SETBP1: variants seen among roughly 807,000 people sequenced by gnomAD.
The protein encoded by SETBP1 is SET-binding protein.
In SETBP1, 9 loss-of-function variants were observed where a neutral mutation model predicts 101.0. That is an observed-to-expected ratio of 0.09 (90% confidence interval 0.05 to 0.16). The LOEUF (loss-of-function observed/expected upper bound fraction) is 0.16. Ranked by LOEUF, SETBP1 falls within the 10% of genes least tolerant of loss-of-function variation. The pLI is 1.00. For synonymous variants in SETBP1, 818 were observed against 788.5 expected (o/e 1.04, Z -0.63); for missense variants, 1,858 against 2,033.8 (o/e 0.91, Z 1.66).
At chr18:44,965,094 C>T (rs1387392932) in intron 4 of SETBP1, among the ~76,000 whole-genome samples, 1 of 152,186 alleles carries the variant, frequency 6.6e-6, no homozygotes, top group East Asian at 1.9e-4. Context: ...AAATATCTTT[C>T]TTGAATATCA....
chr18:45,039,234 C>T (rs944377470), intron 5 of SETBP1, among the ~76,000 whole-genome samples: 4 of 152,110 alleles, frequency 2.6e-5, no homozygotes, highest in African/African-American at 7.2e-5. Flanking sequence ...CCAGAGTCCT[C>T]ACCAACAGTG....
intron 3 of SETBP1, among the ~76,000 whole-genome samples, chr18:44,900,346 C>T (rs1277164651): frequency 1.3e-5 from 2 of 152,154 alleles, no homozygotes; most frequent in East Asian, 3.9e-4. Flanking sequence ...GAATGTCAAA[C>T]TAAATTGGAG....
chr18:45,014,724 G>A (rs1367201559), intron 4 of SETBP1, among the ~76,000 whole-genome samples: 1 of 152,138 alleles, frequency 6.6e-6, no homozygotes, highest in Non-Finnish European at 1.5e-5. Context: ...CCTACTAGTT[G>A]TGGTAATAAA....
At chr18:44,706,690 T>C (rs983189869) in intron 2 of SETBP1, among the ~76,000 whole-genome samples, 1 of 150,864 alleles carries the variant, frequency 6.6e-6, no homozygotes, top group Non-Finnish European at 1.5e-5. Context: ...CTCTTCTCTT[T>C]CGTGAGGATG....
chr18:44,697,933 G>A (rs1568095283), intron 1 of SETBP1, among the ~76,000 whole-genome samples: 1 of 152,200 alleles, frequency 6.6e-6, no homozygotes, highest in Non-Finnish European at 1.5e-5. Flanking sequence ...GGCATTGCAA[G>A]GATGAGAGGA....
At chr18:44,712,032 G>A (rs1004499773) in intron 2 of SETBP1, among the ~76,000 whole-genome samples, 5 of 152,180 alleles carry the variant, frequency 3.3e-5, no homozygotes, top group African/African-American at 1.2e-4. Context: ...GACCTCACAC[G>A]GGAAACAATG....
chr18:44,927,994 A>G (rs1417838268), intron 3 of SETBP1, among the ~76,000 whole-genome samples: 1 of 152,170 alleles, frequency 6.6e-6, no homozygotes, highest in Non-Finnish European at 1.5e-5. Flanking sequence ...GCTTTGTTAC[A>G]TATGTATACA....
intron 2 of SETBP1, among the ~76,000 whole-genome samples, chr18:44,790,713 G>A (rs2071351829): frequency 6.6e-6 from 1 of 152,162 alleles, no homozygotes. Context: ...CAGAGATTCT[G>A]TTTATTTGGT....
intron 2 of SETBP1, chr18:44,732,528 T>G (rs2069859702): frequency 6.6e-6 from 1 of 152,214 alleles, no homozygotes; most frequent in Admixed American, 6.5e-5. Flanking sequence ...AGCCATATTG[T>G]ATGTTGCATT....
At chr18:44,859,710 G>T (rs771001430) in intron 2 of SETBP1, among the ~76,000 whole-genome samples, 3 of 152,184 alleles carry the variant, frequency 2.0e-5, no homozygotes, top group Non-Finnish European at 4.4e-5. Context: ...GCAAAAGTAG[G>T]TCCTGAAAAA....
At chr18:44,791,541 G>A (rs781298602) in intron 2 of SETBP1, among the ~76,000 whole-genome samples, 13 of 152,136 alleles carry the variant, frequency 8.5e-5, no homozygotes, top group South Asian at 4.1e-4. Flanking sequence ...CACATTCAGG[G>A]TTTCTAGACG....
chr18:44,848,474 A>C (rs1599217951), intron 2 of SETBP1, among the ~76,000 whole-genome samples: 1 of 152,198 alleles, frequency 6.6e-6, no homozygotes, highest in Non-Finnish European at 1.5e-5. Flanking sequence ...GTTGGGTTAT[A>C]TGTGTTGAGA....
At chr18:44,831,330 A>G (rs953121559) in intron 2 of SETBP1, among the ~76,000 whole-genome samples, 5 of 152,226 alleles carry the variant, frequency 3.3e-5, no homozygotes, top group African/African-American at 7.2e-5. Flanking sequence ...ATTAAGGGAT[A>G]TCTAAGGTTA....
chr18:44,720,098 T>C (rs1315987728), intron 2 of SETBP1, among the ~76,000 whole-genome samples: 3 of 152,182 alleles, frequency 2.0e-5, no homozygotes, highest in South Asian at 2.1e-4. Context: ...TGTGTGAGCA[T>C]GTATAGCCTC....
intron 2 of SETBP1, among the ~76,000 whole-genome samples, chr18:44,851,890 C>G (rs2072875078): frequency 6.6e-6 from 1 of 152,192 alleles, no homozygotes; most frequent in Non-Finnish European, 1.5e-5. Flanking sequence ...GCTACACTTG[C>G]CATCCCTGGG....
intron 3 of SETBP1, among the ~76,000 whole-genome samples, chr18:44,906,545 T>C (rs1046521162): frequency 6.6e-6 from 1 of 152,328 alleles, no homozygotes; most frequent in East Asian, 1.9e-4. Flanking sequence ...AAGAAAAACA[T>C]TCAATATTCA....
chr18:45,025,010 A>T (rs149633653), intron 4 of SETBP1, among the ~76,000 whole-genome samples: 29 of 152,368 alleles, frequency 1.9e-4, no homozygotes, highest in Non-Finnish European at 3.5e-4. Context: ...AGTTTATCAC[A>T]ATATGTAAGA....
chr18:44,855,948 G>C (rs1211534160), intron 2 of SETBP1, among the ~76,000 whole-genome samples: 1 of 152,178 alleles, frequency 6.6e-6, no homozygotes, highest in Non-Finnish European at 1.5e-5. Context: ...TGTAGCGTGT[G>C]CCTACGGGCA....
At chr18:44,831,132 T>C (rs2072355058) in intron 2 of SETBP1, among the ~76,000 whole-genome samples, 1 of 152,260 alleles carries the variant, frequency 6.6e-6, no homozygotes, top group Non-Finnish European at 1.5e-5. Context: ...GTAAATCCAG[T>C]AGAGGCCTGT....
Sources: gnomAD v4.1 joint callset for allele counts (sites outside exome capture counted in the v4.1 genomes callset) on GRCh38, gnomAD v4.1.1 for gene constraint, MANE v1.5 for transcripts, NCBI Gene and HGNC (gene_info 2026-07-23, HGNC 2026-07-21) for gene names.